The following ZNF236 variants were observed in gnomAD, a reference collection of about 807,000 sequenced individuals.
ZNF236 encodes zinc finger protein 236, also known as regulated by glucose.
A neutral mutation model predicts 191.2 loss-of-function variants in ZNF236; 50 were observed. That is an observed-to-expected ratio of 0.26 (90% CI 0.21 to 0.33). The LOEUF is 0.33. ZNF236 is among the 10% of genes least tolerant of loss of function. The pLI, the probability that ZNF236 is intolerant of heterozygous loss-of-function variation, is 1.00. For missense variants in ZNF236, 1,754 were observed against 2,374.5 expected, an observed-to-expected ratio of 0.74 and a Z score of 5.43; for synonymous variants, 907 against 928.8, an observed-to-expected ratio of 0.98 and a Z score of 0.43.
At chr18:76,939,703 G>A (rs567277743) in intron 26 of ZNF236, among the ~76,000 whole-genome samples, 16 of 151,868 alleles carry the variant, frequency 1.1e-4, no homozygotes, top group Admixed American at 8.5e-4. Context: ...TTACACTTCC[G>A]GTTGTCTTGT....
At chr18:76,848,522 A>G (rs919515281) in intron 1 of ZNF236, among the ~76,000 whole-genome samples, 1 of 152,168 alleles carries the variant, frequency 6.6e-6, no homozygotes, top group Non-Finnish European at 1.5e-5. Context: ...TTTGTCATAT[A>G]TAGTCTTATT....
chr18:76,841,821 G>A (rs949987551), intron 1 of ZNF236, among the ~76,000 whole-genome samples: 8 of 151,824 alleles, frequency 5.3e-5, no homozygotes, highest in Admixed American at 3.9e-4. Flanking sequence ...AGCCTCCTGA[G>A]TAGCTAGTAT....
chr18:76,914,009 T>C, intron 18 of ZNF236, 111 bp downstream of exon 18: 1 of 1,196,570 alleles, frequency 8.4e-7, no homozygotes. Context: ...ATTCAGTGAT[T>C]TTTAGTATGT....
At chr18:76,907,418 A>G (rs781164707) in intron 13 of ZNF236, among the ~76,000 whole-genome samples, 5 of 152,070 alleles carry the variant, frequency 3.3e-5, no homozygotes, top group Admixed American at 6.5e-5. Flanking sequence ...CCGTGGTGCA[A>G]TTTTGGCTCA....
intron 1 of ZNF236, 97 bp from the exon 2 acceptor site, chr18:76,849,429 A>C: frequency 1.0e-6 from 1 of 971,998 alleles, no homozygotes; most frequent in Non-Finnish European, 1.5e-6. Context: ...AATCTCTGAC[A>C]TAATTTGGTT....
chr18:76,918,069 C>A (rs1967421482), intron 19 of ZNF236, among the ~76,000 whole-genome samples: 1 of 152,194 alleles, frequency 6.6e-6, no homozygotes, highest in East Asian at 1.9e-4. Context: ...GGTGAATTAA[C>A]CACTGTCCAC....
intron 3 of ZNF236, among the ~76,000 whole-genome samples, chr18:76,857,437 A>G (rs1244633011): frequency 1.3e-5 from 2 of 152,052 alleles, no homozygotes; most frequent in Admixed American, 6.5e-5. Flanking sequence ...AGGGTCACCT[A>G]CTTCACTTTG....
chr18:76,854,528 C>T (rs1207836335), intron 3 of ZNF236, among the ~76,000 whole-genome samples: 3 of 149,672 alleles, frequency 2.0e-5, no homozygotes, highest in Non-Finnish European at 4.4e-5. Flanking sequence ...TTTGGGAGAC[C>T]GAGGCACTTG....
intron 27 of ZNF236, among the ~76,000 whole-genome samples, chr18:76,953,950 C>T (rs1195450435): frequency 1.3e-5 from 2 of 152,224 alleles, no homozygotes; most frequent in African/African-American, 4.8e-5. Context: ...CCTACCCTCC[C>T]ACCCCCATGC....
rs778862803 is a variant in ZNF236 at position 76,927,781 on chromosome 18, G to A, written c.4415-146G>A. 11 of 822,644 alleles carry A rather than the reference G, an allele frequency of 1.3e-5. No individual in the cohort carries two copies. The East Asian group carries it at 2.0e-4, about 15-fold the overall frequency. The allele number at this position is 822,644 out of a possible 1,614,324, so 51.0% of individuals were successfully genotyped here. On this transcript the variant is annotated intron_variant, in intron 24 of 30. Transcript: ENST00000320610. The surrounding 1 kb of genome is among the most constrained non-coding windows in gnomAD (Gnocchi z 5.4). ...CACAAGGCTTTCTTCTTAGACGAAG[G>A]AATTAGAGATGACTGATGCTTTGTT...
chr18:76,868,779 G>C lies in ZNF236; in HGVS notation c.458G>C (p.Arg153Pro). The change falls in exon 4 of 31, where the codon CGG (arginine) becomes CCG (proline). Residue 153 changes from arginine (R) to proline (P), a missense_variant. Arg to Pro is a moderately radical substitution (Grantham distance 103). Coordinates refer to ENST00000320610, the MANE Select transcript of ZNF236 (RefSeq NM_001306089.2). ...EEHRQELAGTRQHACKACKKE... is the reference protein window; with the variant it reads ...EEHRQELAGTPQHACKACKKE... ...CACCGCCAGGAGCTGGCTGGAACCC[G>C]GCAGCATGCCTGCAAGGCCTGCAAG... is the stretch of plus-strand genomic sequence containing the variant. 6.2e-7 allele frequency: 1 copy of C among 1,613,870 alleles called. No individual in the cohort carries two copies. The highest frequency in any genetic ancestry group is 8.5e-7 in the Non-Finnish European group (1 of 1,179,958).
intron 22 of ZNF236, among the ~76,000 whole-genome samples, chr18:76,926,035 T>G (rs1325364564): frequency 6.6e-6 from 1 of 152,208 alleles, no homozygotes; most frequent in Non-Finnish European, 1.5e-5. Flanking sequence ...TGTGCCCTTC[T>G]TTCTGTTTCT....
chr18:76,877,820 C>A (rs1599356823), intron 6 of ZNF236, among the ~76,000 whole-genome samples, 189 bp from the exon 7 acceptor site: 1 of 151,886 alleles, frequency 6.6e-6, no homozygotes, highest in African/African-American at 2.4e-5. Context: ...CTTATACCGG[C>A]AATATTGTTT....
At chr18:76,947,002 C>T (rs1028455016) in intron 26 of ZNF236, among the ~76,000 whole-genome samples, 2 of 152,138 alleles carry the variant, frequency 1.3e-5, no homozygotes, top group Non-Finnish European at 2.9e-5. Context: ...CTTAAAGAAA[C>T]GTGGAGCCAT....
chr18:76,948,305 C>T (rs148384089), intron 27 of ZNF236, among the ~76,000 whole-genome samples: 278 of 152,142 alleles, frequency 1.8e-3, no homozygotes, highest in Middle Eastern at 6.8e-3. Context: ...AATGACTTAC[C>T]GGTTTTTCTG....
chr18:76,877,993 C>CT lies in ZNF236; in HGVS notation c.841-11dup. ...TTAATTGTAAAACATCATTTTTTTC[C>CT]TTTTTATTCTTTAAGGTCAAGAATG... On this transcript the variant is annotated splice_polypyrimidine_tract_variant and intron_variant, in intron 6 of 30. Transcript: ENST00000320610. The CT allele has an allele frequency of 6.6e-7, 1 of 1,514,666 alleles. No homozygotes were observed. Among genetic ancestry groups the CT allele is most frequent in the East Asian group, 2.3e-5 (1 of 43,226 alleles). The allele number at this position is 1,514,666 out of a possible 1,614,324, so 93.8% of individuals were successfully genotyped here.
At position 76,908,403 on chromosome 18, in the gene ZNF236, C is replaced by T. The variant is rs746677934; in HGVS notation, c.2381C>T (p.Ala794Val). ...ACTGTAGACCAGCAGAGCATGCAGG[C>T]CTCCACTCAAATGCAGGTGGAGATC... ...DSTVDQQSMQ[A>V]STQMQVEIES... The change falls in exon 14 of 31, where the codon GCC becomes GTC. Residue 794 changes from alanine to valine, a missense_variant. Transcript: ENST00000320610. 6.2e-7 allele frequency: 1 copy of T among 1,614,196 alleles called. No homozygotes were observed. Among genetic ancestry groups the T allele is most frequent in the African/African-American group, 1.3e-5 (1 of 75,062 alleles).
intron 10 of ZNF236, among the ~76,000 whole-genome samples, chr18:76,897,294 C>T (rs916485048): frequency 3.3e-5 from 5 of 151,638 alleles, no homozygotes; most frequent in Non-Finnish European, 7.4e-5. Context: ...ACAGGTACCA[C>T]ATACAGTACC....
At chr18:76,852,988 C>G (rs76717967) in intron 3 of ZNF236, among the ~76,000 whole-genome samples, 18 of 152,310 alleles carry the variant, frequency 1.2e-4, no homozygotes, top group Non-Finnish European at 2.4e-4. Context: ...ATTTCCAATT[C>G]ACCATGGGTT....
Sources: gnomAD v4.1 joint callset for allele counts (sites outside exome capture counted in the v4.1 genomes callset) on GRCh38, gnomAD v4.1.1 for gene constraint, Gnocchi (gnomAD v3.1) non-coding constraint, MANE v1.5 for transcripts, NCBI Gene and HGNC (gene_info 2026-07-23, HGNC 2026-07-21) for gene names.